LARGE1: variants seen among roughly 807,000 people sequenced by gnomAD.
The protein encoded by LARGE1 is LARGE xylosyl- and glucuronyltransferase 1, also known as xylosyl- and glucuronyltransferase LARGE1.
Under a neutral mutation model 87.6 loss-of-function variants are expected in LARGE1, and 43 were observed. The observed-to-expected ratio is 0.49, with a 90% CI of 0.38 to 0.63. The LOEUF is 0.63. Ranked by LOEUF, LARGE1 falls within the 30% of genes least tolerant of loss-of-function variation. LARGE1 has a pLI of 0.00. For synonymous variants in LARGE1, 434 were observed against 394.6 expected (o/e 1.10, Z -1.18); for missense variants, 802 against 1,000.2 (o/e 0.80, Z 2.67).
At chr22:33,153,555 G>A in the LARGE1 span, among the ~76,000 whole-genome samples, 7 of 152,090 alleles carry the variant, frequency 4.6e-5, no homozygotes, top group East Asian at 1.9e-4. Flanking sequence ...GAAATTTCCC[G>A]TCTTCATGGA....
At chr22:33,424,463 T>G (rs980389799) in intron 7 of LARGE1, among the ~76,000 whole-genome samples, 1 of 152,156 alleles carries the variant, frequency 6.6e-6, no homozygotes, top group African/African-American at 2.4e-5. Context: ...GCAGAGTGAT[T>G]AAGCAGGTGC....
chr22:33,848,118 G>A (rs772132631), intron 1 of LARGE1, among the ~76,000 whole-genome samples: 1 of 152,188 alleles, frequency 6.6e-6, no homozygotes, highest in Non-Finnish European at 1.5e-5. Context: ...CCAGAGACGT[G>A]AGCAATCAAA....
chr22:33,492,224 G>C (rs1019859278), intron 6 of LARGE1, among the ~76,000 whole-genome samples: 1 of 152,222 alleles, frequency 6.6e-6, no homozygotes, highest in Non-Finnish European at 1.5e-5. Flanking sequence ...CAAGCTCCCA[G>C]ATTAAGCCCC....
At chr22:33,625,992 A>AGAT (rs2149075622) in intron 4 of LARGE1, among the ~76,000 whole-genome samples, 1 of 152,334 alleles carries the variant, frequency 6.6e-6, no homozygotes, top group South Asian at 2.1e-4. Context: ...CTGAAGCATC[A>AGAT]GATTTGAGGT....
chr22:33,248,199 T>C (rs1340747511), intron 11 of LARGE1, among the ~76,000 whole-genome samples: 2 of 152,128 alleles, frequency 1.3e-5, no homozygotes, highest in Non-Finnish European at 2.9e-5. Flanking sequence ...ATTTTTTTTA[T>C]TTTTTTGAGA....
chr22:33,915,829 C>G (rs961616130), intron 1 of LARGE1, among the ~76,000 whole-genome samples: 8 of 152,190 alleles, frequency 5.3e-5, no homozygotes, highest in African/African-American at 1.9e-4. Context: ...CACCTTCCAG[C>G]CACACTAACT....
At chr22:33,280,817 T>C (rs1260002110) in intron 13 of LARGE1, among the ~76,000 whole-genome samples, 2 of 152,158 alleles carry the variant, frequency 1.3e-5, no homozygotes, top group Non-Finnish European at 2.9e-5. Context: ...CTTTAAGCAG[T>C]GGTTCTCAAA....
At chr22:33,358,011 G>A (rs1292179779) in intron 9 of LARGE1, among the ~76,000 whole-genome samples, 1 of 152,176 alleles carries the variant, frequency 6.6e-6, no homozygotes, top group Non-Finnish European at 1.5e-5. Flanking sequence ...CCCAGAGTGG[G>A]TGCTCTGCCA....
At chr22:33,421,229 T>C (rs2066685054) in intron 7 of LARGE1, among the ~76,000 whole-genome samples, 1 of 151,852 alleles carries the variant, frequency 6.6e-6, no homozygotes. Flanking sequence ...AATCAATCAA[T>C]CAATCAATCA....
chr22:33,597,843 T>A (rs554498558), intron 5 of LARGE1, among the ~76,000 whole-genome samples: 1 of 152,280 alleles, frequency 6.6e-6, no homozygotes, highest in South Asian at 2.1e-4. Flanking sequence ...TAGGGCCTTG[T>A]CTGAAAACTG....
intron 11 of LARGE1, chr22:33,166,878 T>C (rs908966102): frequency 2.1e-6 from 1 of 471,028 alleles, no homozygotes; most frequent in African/African-American, 2.0e-5. Context: ...AAGTGTGTTC[T>C]GTGGTTATTT....
the LARGE1 span, among the ~76,000 whole-genome samples, chr22:33,072,893 G>T: frequency 6.6e-6 from 1 of 152,190 alleles, no homozygotes; most frequent in Non-Finnish European, 1.5e-5. Context: ...GTCAAACACT[G>T]ATCTATGAAA....
chr22:33,650,616 C>T lies in LARGE1; in HGVS notation c.159G>A (p.Arg53=), dbSNP rs778498257. 3 of 1,604,098 alleles carry T rather than the reference C, an allele frequency of 1.9e-6. No individual in the cohort carries two copies. The highest frequency in any genetic ancestry group is 4.5e-5 in the East Asian group (2 of 44,864). ...SPLESQAHSP[R]YTASSQRERE... ...GCTCCCGCTGGCTGGAGGCCGTGTA[C>T]CTGGGGCTGTGTGCCTGGGACTCCA... Residue 53 remains arginine (R), a synonymous_variant, in exon 3 of 15, where the codon AGG becomes AGA. Transcript: ENST00000397394.
At chr22:33,245,991 A>G (rs1045200423) in intron 11 of LARGE1, among the ~76,000 whole-genome samples, 1 of 152,246 alleles carries the variant, frequency 6.6e-6, no homozygotes, top group Non-Finnish European at 1.5e-5. Context: ...ATATCTTAAA[A>G]TGTATTTTAT....
intron 9 of LARGE1, among the ~76,000 whole-genome samples, chr22:33,365,976 C>A (rs537494787): frequency 1.3e-5 from 2 of 152,166 alleles, no homozygotes; most frequent in East Asian, 3.9e-4. Flanking sequence ...ATTAAATTTA[C>A]GGATTCATTC....
chr22:33,688,007 A>G (rs552123607), intron 2 of LARGE1, among the ~76,000 whole-genome samples: 1 of 152,234 alleles, frequency 6.6e-6, no homozygotes, highest in African/African-American at 2.4e-5. Context: ...CTTCATGGGG[A>G]GAAAGTCAAG....
In LARGE1 at chr22:33,818,913, A is replaced by G. The variant is rs1008952705; in HGVS notation, c.-82-57355T>C. ...CTCCCTTGGGTGGGCTGAAAGTTCT[A>G]TTAGTCTCTCCACAACTAGATTCTG... is the stretch of plus-strand genomic sequence containing the variant. On this transcript the variant is annotated intron_variant, in intron 1 of 14. Coordinates refer to ENST00000397394, the MANE Select transcript of LARGE1 (RefSeq NM_133642.5). Among the ~76,000 whole-genome samples, 7 of 152,262 alleles carry G rather than the reference A, an allele frequency of 4.6e-5. No homozygotes were observed. The South Asian group carries it at 1.0e-3, about 23-fold the overall frequency.
rs141957842 is a variant in LARGE1, at chr22:33,768,113, T to C, written c.-82-6555A>G. 2.2e-3 allele frequency among the ~76,000 whole-genome samples: 340 copies of C among 152,246 alleles called. 10 individuals carry two copies. The East Asian group carries it at 0.045, about 20-fold the overall frequency. Reference sequence around the variant, plus strand: ...TCATGAGGTCAGGAGATTGAGACCATCCTGGCTAACACAGTGAAACCCCAT... The same window carrying C: ...TCATGAGGTCAGGAGATTGAGACCACCCTGGCTAACACAGTGAAACCCCAT... On this transcript the variant is annotated intron_variant, in intron 1 of 14. Coordinates refer to ENST00000397394, the MANE Select transcript of LARGE1 (RefSeq NM_133642.5).
At chr22:33,196,845 T>C (rs1392259008) in intron 11 of LARGE1, among the ~76,000 whole-genome samples, 1 of 152,120 alleles carries the variant, frequency 6.6e-6, no homozygotes, top group Non-Finnish European at 1.5e-5. Context: ...CAGGCCACTA[T>C]GCCTCATGGC....
Sources: allele counts gnomAD v4.1 joint callset (sites outside exome capture counted in the v4.1 genomes callset), GRCh38; gene constraint gnomAD v4.1.1; transcripts MANE v1.5; gene names NCBI Gene and HGNC (gene_info 2026-07-23, HGNC 2026-07-21).